The following CCDC7 variants were observed in gnomAD, a reference collection of about 807,000 sequenced individuals.
The protein encoded by CCDC7 is coiled-coil domain-containing protein 7.
Under a neutral mutation model 196.9 loss-of-function variants are expected in CCDC7, and 183 were observed. The observed-to-expected ratio is 0.93, with a 90% CI of 0.82 to 1.05. The LOEUF (loss-of-function observed/expected upper bound fraction) is 1.05, where lower values mean the gene tolerates loss of function less well. Ranked by LOEUF, CCDC7 falls within the 50% of genes least tolerant of loss-of-function variation. The probability of loss-of-function intolerance (pLI) is 0.00; values close to 1 mark genes in which losing one functional copy is unlikely to be tolerated. For missense variants in CCDC7, 1,540 were observed against 1,482.2 expected, an observed-to-expected ratio of 1.04 and a Z score of -0.64; for synonymous variants, 525 against 484.6, an observed-to-expected ratio of 1.08 and a Z score of -1.10.
At chr10:32,494,186 T>G (rs1048242228) in intron 9 of CCDC7, among the ~76,000 whole-genome samples, 1 of 152,210 alleles carries the variant, frequency 6.6e-6, no homozygotes, top group Admixed American at 6.5e-5. Context: ...CGTTTAAGTT[T>G]TTAATTCATT....
intron 18 of CCDC7, among the ~76,000 whole-genome samples, chr10:32,598,409 T>C (rs1409815394): frequency 2.0e-5 from 3 of 152,186 alleles, no homozygotes; most frequent in Non-Finnish European, 2.9e-5. Context: ...CTGTCATGGC[T>C]TCCCTTTGCT....
chr10:32,492,398 G>A (rs974721724), intron 9 of CCDC7, among the ~76,000 whole-genome samples: 2 of 152,068 alleles, frequency 1.3e-5, no homozygotes, highest in Admixed American at 6.5e-5. Context: ...ATCCATGTTT[G>A]TTGCAGCATT....
intron 12 of CCDC7, among the ~76,000 whole-genome samples, chr10:32,543,672 T>C (rs73253422): frequency 0.053 from 8,080 of 152,118 alleles, 717 homozygotes; most frequent in African/African-American, 0.18. Flanking sequence ...AGCATTTACA[T>C]TGTTTCTTTG....
chr10:32,749,821 C>T (rs544855097), intron 28 of CCDC7, among the ~76,000 whole-genome samples: 4 of 152,188 alleles, frequency 2.6e-5, no homozygotes, highest in Admixed American at 6.5e-5. Context: ...ATAAGACTTA[C>T]GTGTAAATTT....
rs556560030 is a variant in CCDC7 at position 32,832,395 on chromosome 10, C to T, written c.3269-2420C>T. On this transcript the variant is annotated intron_variant, in intron 32 of 41. Transcript: ENST00000639629. The stretch of plus-strand genomic sequence containing the variant: ...GTGCGGGCCTGTAATCCCAGTTACT[C>T]ATGAGGCTGAGGCAGGAGAATCGCT... Among the ~76,000 whole-genome samples, 16 of 152,034 alleles carry T rather than the reference C, an allele frequency of 1.1e-4. No individual in the cohort carries two copies. The South Asian group carries it at 2.1e-3, about 20-fold the overall frequency.
chr10:32,526,604 G>C (rs923598837), intron 11 of CCDC7, among the ~76,000 whole-genome samples: 1 of 152,112 alleles, frequency 6.6e-6, no homozygotes, highest in African/African-American at 2.4e-5. Context: ...TCAGGGCCCA[G>C]GGCTCTTTAT....
At chr10:32,510,248 G>A (rs1332623552) in intron 9 of CCDC7, among the ~76,000 whole-genome samples, 2 of 152,166 alleles carry the variant, frequency 1.3e-5, no homozygotes, top group Non-Finnish European at 2.9e-5. Flanking sequence ...ATTATGTTAA[G>A]TGAAAGAATC....
intron 30 of CCDC7, among the ~76,000 whole-genome samples, chr10:32,813,044 A>G (rs536792104): frequency 1.3e-5 from 2 of 152,268 alleles, no homozygotes; most frequent in Non-Finnish European, 2.9e-5. Context: ...AGCTGGTGTC[A>G]TAATGCAACC....
At chr10:32,500,138 T>A (rs949311011) in intron 9 of CCDC7, among the ~76,000 whole-genome samples, 1 of 152,222 alleles carries the variant, frequency 6.6e-6, no homozygotes, top group East Asian at 1.9e-4. Flanking sequence ...GATGGGGTGG[T>A]GGCCGGGCAG....
At chr10:32,839,114 T>C (rs2092807248) in intron 33 of CCDC7, among the ~76,000 whole-genome samples, 1 of 151,812 alleles carries the variant, frequency 6.6e-6, no homozygotes, top group South Asian at 2.1e-4. Context: ...AATGGTAAGA[T>C]GAATGGAATA....
intron 9 of CCDC7, among the ~76,000 whole-genome samples, chr10:32,495,551 T>A (rs1427478357): frequency 6.6e-6 from 1 of 152,250 alleles, no homozygotes; most frequent in Non-Finnish European, 1.5e-5. Flanking sequence ...CTAATCCATC[T>A]TGAGTTAATT....
At chr10:32,612,153 T>A (rs1253933934) in intron 18 of CCDC7, among the ~76,000 whole-genome samples, 1 of 152,194 alleles carries the variant, frequency 6.6e-6, no homozygotes, top group Non-Finnish European at 1.5e-5. Flanking sequence ...TAAGTTGTAT[T>A]CCTAGGTATT....
chr10:32,819,714 A>G (rs2089735935), intron 31 of CCDC7, among the ~76,000 whole-genome samples: 2 of 152,334 alleles, frequency 1.3e-5, no homozygotes, highest in South Asian at 4.1e-4. Flanking sequence ...AATGACAAAA[A>G]CCACATGATT....
In CCDC7 at chr10:32,787,919, C is replaced by G. The variant is rs369055151; in HGVS notation, c.3013+8835C>G. On this transcript the variant is annotated intron_variant, in intron 29 of 41. Coordinates refer to ENST00000639629, the Ensembl canonical transcript of CCDC7. Reference sequence around the variant, plus strand: ...CTCCAGGCTGACCCTACAGATGGAGCCTTCAGGCCCATTCTGGCACCAGTC... The same window carrying G: ...CTCCAGGCTGACCCTACAGATGGAGGCTTCAGGCCCATTCTGGCACCAGTC... 3.3e-5 allele frequency among the ~76,000 whole-genome samples: 5 copies of G among 152,110 alleles called. No homozygotes were observed. The East Asian group carries it at 9.7e-4, about 29-fold the overall frequency.
At chr10:32,495,256 A>G (rs2042736671) in intron 9 of CCDC7, among the ~76,000 whole-genome samples, 1 of 152,090 alleles carries the variant, frequency 6.6e-6, no homozygotes, top group East Asian at 1.9e-4. Context: ...TTTCTTGTAA[A>G]TTTGTTTAAA....
intron 16 of CCDC7, among the ~76,000 whole-genome samples, chr10:32,576,796 G>T (rs370309375): frequency 4.0e-4 from 61 of 151,874 alleles, no homozygotes; most frequent in African/African-American, 1.4e-3. Flanking sequence ...GGGACTTTTC[G>T]CACCTCAGCT....
intron 20 of CCDC7, among the ~76,000 whole-genome samples, chr10:32,649,715 A>G (rs2068390863): frequency 6.6e-6 from 1 of 151,980 alleles, no homozygotes; most frequent in Non-Finnish European, 1.5e-5. Flanking sequence ...CATTTTTCTT[A>G]ATTGTTTTCT....
intron 20 of CCDC7, among the ~76,000 whole-genome samples, chr10:32,658,933 T>C (rs142028605): frequency 4.6e-5 from 7 of 152,336 alleles, no homozygotes; most frequent in African/African-American, 1.7e-4. Context: ...GAATTTTCTT[T>C]TTTGTATAGC....
At chr10:32,589,826 G>GT (rs1391477441) in intron 18 of CCDC7, among the ~76,000 whole-genome samples, 1 of 151,898 alleles carries the variant, frequency 6.6e-6, no homozygotes, top group Admixed American at 6.6e-5. Flanking sequence ...TCTTCTTATA[G>GT]TTTTTATCTT....
Sources: gnomAD v4.1 joint callset for allele counts (sites outside exome capture counted in the v4.1 genomes callset) on GRCh38, gnomAD v4.1.1 for gene constraint, MANE v1.5 for transcripts, NCBI Gene and HGNC (gene_info 2026-07-23, HGNC 2026-07-21) for gene names.